Variants in PXDNL observed in about 807,000 individuals in gnomAD.
PXDNL encodes the protein probable oxidoreductase PXDNL.
Under a neutral mutation model 150.8 loss-of-function variants are expected in PXDNL, and 145 were observed. That is an observed-to-expected ratio of 0.96 (90% confidence interval 0.84 to 1.10). The LOEUF is 1.10. Ranked by LOEUF, PXDNL falls within the 50% of genes least tolerant of loss-of-function variation. The probability of loss-of-function intolerance (pLI) is 0.00; values close to 1 mark genes in which losing one functional copy is unlikely to be tolerated. For missense variants in PXDNL, 2,087 were observed against 1,873.9 expected (o/e 1.11, Z -2.10); for synonymous variants, 757 against 725.7 (o/e 1.04, Z -0.69).
At chr8:51,325,959 T>C (rs1319007463) in intron 21 of PXDNL, among the ~76,000 whole-genome samples, 1 of 152,188 alleles carries the variant, frequency 6.6e-6, no homozygotes, top group Non-Finnish European at 1.5e-5. Flanking sequence ...TCCACTTTTA[T>C]GGCCTGTTGT....
At chr8:51,579,813 T>A (rs1585595305) in intron 3 of PXDNL, among the ~76,000 whole-genome samples, 1 of 152,082 alleles carries the variant, frequency 6.6e-6, no homozygotes, top group East Asian at 1.9e-4. Flanking sequence ...ACTATTGATA[T>A]TACGCAAAAA....
At chr8:51,372,295 A>G (rs1165538114) in intron 18 of PXDNL, among the ~76,000 whole-genome samples, 1 of 152,222 alleles carries the variant, frequency 6.6e-6, no homozygotes, top group Non-Finnish European at 1.5e-5. Flanking sequence ...TTTCTACTCA[A>G]GCTCTACAAA....
intron 2 of PXDNL, among the ~76,000 whole-genome samples, chr8:51,630,116 T>C (rs1814460742): frequency 6.6e-6 from 1 of 151,274 alleles, no homozygotes; most frequent in Admixed American, 6.6e-5. Flanking sequence ...AAGAATAGAG[T>C]CCAAAAATAA....
rs751633657 is a variant in PXDNL, at chr8:51,472,300, G to A, written c.699C>T (p.Ser233=). 8 of 1,609,184 alleles carry A rather than the reference G, an allele frequency of 5.0e-6. No individual in the cohort carries two copies. The highest frequency in any genetic ancestry group is 1.6e-4 in the Middle Eastern group (1 of 6,070). ...CCTGCGGCTCAAAAGTAATTCGGGG[G>A]CTCTCTGCAACAAAAGAATTATTGA... is the stretch of plus-strand genomic sequence containing the variant. ...SVTVEEFNCQ[S]PRITFEPQDV... The change falls in exon 8 of 23, where the codon AGC becomes AGT. Residue 233 remains serine (S), a synonymous_variant. Transcript: ENST00000356297.
At chr8:51,658,243 G>C (rs866348256) in intron 1 of PXDNL, among the ~76,000 whole-genome samples, 1 of 151,234 alleles carries the variant, frequency 6.6e-6, no homozygotes, top group Non-Finnish European at 1.5e-5. Flanking sequence ...TCAGGAGGTC[G>C]AGGTGGGAAG....
chr8:51,388,660 C>T (rs1807800082), intron 17 of PXDNL, among the ~76,000 whole-genome samples: 1 of 152,218 alleles, frequency 6.6e-6, no homozygotes, highest in South Asian at 2.1e-4. Flanking sequence ...GGGTCTCTCT[C>T]TCTCATTCCT....
chr8:51,320,023 C>A lies in PXDNL; in HGVS notation c.4261-1G>T. 1 of 1,498,974 alleles carries A rather than the reference C, an allele frequency of 6.7e-7. No homozygotes were observed. The allele number at this position is 1,498,974 out of a possible 1,614,324, so 92.9% of individuals were successfully genotyped here. ...CCACCACACAGGTGACCTGGCCACT[C>A]TGAAAGGCAGCATGCACATATCACC... On this transcript the variant is annotated splice_acceptor_variant, in intron 22 of 22. Transcript: ENST00000356297. LOFTEE classifies it high-confidence loss of function.
intron 12 of PXDNL, among the ~76,000 whole-genome samples, chr8:51,445,144 A>T (rs555520229): frequency 6.6e-6 from 1 of 152,040 alleles, no homozygotes; most frequent in African/African-American, 2.4e-5. Flanking sequence ...GGTCTCGAAC[A>T]CCTGATCTCA....
intron 17 of PXDNL, among the ~76,000 whole-genome samples, chr8:51,398,048 T>C (rs1192277683): frequency 2.0e-5 from 3 of 152,206 alleles, no homozygotes; most frequent in Non-Finnish European, 4.4e-5. Flanking sequence ...TTTCTGGCTA[T>C]GGTGTGATGG....
chr8:51,760,687 A>G (rs1368249135), intron 1 of PXDNL, among the ~76,000 whole-genome samples: 1 of 152,170 alleles, frequency 6.6e-6, no homozygotes, highest in Non-Finnish European at 1.5e-5. Context: ...ACCAGCAAAG[A>G]GTGCCCATAG....
chr8:51,538,732 C>T (rs746479499), intron 4 of PXDNL, among the ~76,000 whole-genome samples: 2 of 152,124 alleles, frequency 1.3e-5, no homozygotes, highest in African/African-American at 2.4e-5. Flanking sequence ...TGCCAGTACA[C>T]TACAGTCTGG....
At position 51,743,925 on chromosome 8, in the gene PXDNL, A is replaced by AAGGAAGGAAGGAAGGAAGGG. The variant is rs2036934671; in HGVS notation, c.164+65255_164+65256insCCCTTCCTTCCTTCCTTCCT. On this transcript the variant is annotated intron_variant, in intron 1 of 22. Transcript: ENST00000356297. The stretch of plus-strand genomic sequence containing the variant: ...TGAGAGAGAAAGGAAGGAAGGAAGG[A>AAGGAAGGAAGGAAGGAAGGG]AGGAAGGAAGGAAGGAGAGAAAGAG... Among the ~76,000 whole-genome samples, 2 of 80,714 alleles carry AAGGAAGGAAGGAAGGAAGGG rather than the reference A, an allele frequency of 2.5e-5. 1 individual carries two copies. The highest frequency in any genetic ancestry group is 7.1e-5 in the African/African-American group (2 of 28,180). The allele number at this position is 80,714 out of a possible 152,430, so 53.0% of individuals were successfully genotyped here.
chr8:51,769,358 G>A (rs990799252), intron 1 of PXDNL, among the ~76,000 whole-genome samples: 1 of 152,158 alleles, frequency 6.6e-6, no homozygotes, highest in African/African-American at 2.4e-5. Context: ...TCAAATATTG[G>A]AAAAGCTTGA....
At chr8:51,549,217 A>G (rs528182019) in intron 4 of PXDNL, among the ~76,000 whole-genome samples, 4 of 152,300 alleles carry the variant, frequency 2.6e-5, no homozygotes, top group Admixed American at 2.0e-4. Flanking sequence ...GATAGATGGC[A>G]ACACAATCAT....
chr8:51,473,430 G>T (rs1343865671), intron 7 of PXDNL, among the ~76,000 whole-genome samples: 2 of 152,108 alleles, frequency 1.3e-5, no homozygotes, highest in Non-Finnish European at 2.9e-5. Flanking sequence ...AAGGGGGTTT[G>T]AATGAAGGCT....
At chr8:51,728,287 CTA>C (rs1255687818) in intron 1 of PXDNL, among the ~76,000 whole-genome samples, 5 of 152,256 alleles carry the variant, frequency 3.3e-5, no homozygotes, top group African/African-American at 1.2e-4. Context: ...TAATAAATGA[CTA>C]TGTGACTGAT....
In PXDNL at chr8:51,408,815, A is replaced by G. The variant is rs763284890; in HGVS notation, c.2809T>C (p.Ser937Pro). 6.4e-7 allele frequency: 1 copy of G among 1,569,870 alleles called. No individual in the cohort carries two copies. Among genetic ancestry groups the G allele is most frequent in the Non-Finnish European group, 8.6e-7 (1 of 1,158,876 alleles). The stretch of plus-strand genomic sequence containing the variant: ...GCGCACTCGGTGGGTGGGCCTGTAG[A>G]AAAGGGCAATAAGGGCTTTCCGGAG... ...PPSGKPLLPF[S>P]TGPPTECARQ... is the part of the protein sequence containing the mutation. The change falls in exon 17 of 23, where the codon TCT becomes CCT. Residue 937 changes from serine to proline, a missense_variant. By Grantham distance (74) the Ser-to-Pro change is moderately conservative. Coordinates refer to ENST00000356297, the MANE Select transcript of PXDNL (RefSeq NM_144651.5).
chr8:51,619,835 C>T (rs965798142), intron 2 of PXDNL, among the ~76,000 whole-genome samples: 76 of 152,244 alleles, frequency 5.0e-4, no homozygotes, highest in African/African-American at 1.6e-3. Flanking sequence ...TTTCTCACTC[C>T]GTCTGTTAGC....
rs1243057039 is a variant in PXDNL at position 51,735,530 on chromosome 8, T to TGTTG, written c.164+73650_164+73651insCAAC. Among the ~76,000 whole-genome samples, 3 of 66,158 alleles carry TGTTG rather than the reference T, an allele frequency of 4.5e-5. No individual in the cohort carries two copies. In the African/African-American group the frequency reaches 5.9e-4, roughly 13 times the overall value. 43.4% of individuals were successfully genotyped at this position (66,158 alleles called of 152,430 possible). On this transcript the variant is annotated intron_variant, in intron 1 of 22. Transcript: ENST00000356297. ...TTAATTAATTAATTAAAAATTGTTT[T>TGTTG]TTTTTTTTTTTTTTTTTTTTTTTTT...
Sources: allele counts gnomAD v4.1 joint callset (sites outside exome capture counted in the v4.1 genomes callset), GRCh38; gene constraint gnomAD v4.1.1; transcripts MANE v1.5; gene names NCBI Gene and HGNC (gene_info 2026-07-23, HGNC 2026-07-21).